RYR2: variants seen among roughly 807,000 people sequenced by gnomAD.
The protein encoded by RYR2 is ryanodine receptor 2, also known as cardiac muscle ryanodine receptor-calcium release channel.
RYR2 carries 227 observed loss-of-function variants against 601.1 expected under a neutral mutation model. That is an observed-to-expected ratio of 0.38 (90% CI 0.34 to 0.42). The LOEUF (loss-of-function observed/expected upper bound fraction) is 0.42. Among genes scored for constraint, RYR2 ranks in the 10% least tolerant of loss-of-function variants. RYR2 has a pLI of 1.00. For missense variants in RYR2, 4,646 were observed against 6,156.5 expected (o/e 0.75, Z 8.21); for synonymous variants, 2,223 against 2,175.1 (o/e 1.02, Z -0.61).
intron 87 of RYR2, among the ~76,000 whole-genome samples, 182 bp downstream of exon 87, chr1:237,773,830 G>A (rs183755654): frequency 6.6e-6 from 1 of 152,262 alleles, no homozygotes; most frequent in Admixed American, 6.5e-5. Context: ...CCATTTGGCA[G>A]GTTGAGATAT....
At chr1:237,776,514 C>G (rs993849197) in intron 87 of RYR2, among the ~76,000 whole-genome samples, 1 of 152,156 alleles carries the variant, frequency 6.6e-6, no homozygotes, top group African/African-American at 2.4e-5. Context: ...CTTCCGCTTA[C>G]CCTTGGGCCT....
At chr1:237,347,774 ACCCAAACCTCC>A (rs1342253625) in intron 3 of RYR2, among the ~76,000 whole-genome samples, 1 of 142,996 alleles carries the variant, frequency 7.0e-6, no homozygotes, top group African/African-American at 3.0e-5. Flanking sequence ...CAAGCAAAAC[ACCCAAACCTCC>A]CCCAAACCAG....
chr1:237,474,339 C>T (rs900578457), intron 17 of RYR2, among the ~76,000 whole-genome samples: 7 of 151,126 alleles, frequency 4.6e-5, no homozygotes, highest in African/African-American at 1.7e-4. Flanking sequence ...ATACCCCTAC[C>T]TGTTGGGCAA....
chr1:237,190,622 A>G (rs996361090), intron 1 of RYR2, among the ~76,000 whole-genome samples: 1 of 152,242 alleles, frequency 6.6e-6, no homozygotes, highest in Non-Finnish European at 1.5e-5. Flanking sequence ...AAATACAAAT[A>G]AAAAATACTG....
chr1:237,781,651 T>TTTTGA lies in RYR2; in HGVS notation c.11962+9_11962+13dup, dbSNP rs764190942. Reference sequence around the variant, plus strand: ...TGTTGCTGTCCATGTTAGAAGGTAGTTTTGATTTATACTTTTAAATTCTCT... The same window carrying TTTTGA: ...TGTTGCTGTCCATGTTAGAAGGTAGTTTTGATTTGATTTATACTTTTAAATTCTCT... On this transcript the variant is annotated splice_donor_region_variant and intron_variant, in intron 89 of 104. Coordinates refer to ENST00000366574, the MANE Select transcript of RYR2 (RefSeq NM_001035.3). The TTTTGA allele has an allele frequency of 6.7e-7, 1 of 1,495,826 alleles. No individual in the cohort carries two copies. Among genetic ancestry groups the TTTTGA allele is most frequent in the South Asian group, 1.2e-5 (1 of 83,348 alleles). The allele number at this position is 1,495,826 out of a possible 1,614,324, so 92.7% of individuals were successfully genotyped here. A position where few individuals can be genotyped will look rare whatever the true frequency, so the allele number is the denominator to read the frequency against.
intron 33 of RYR2, among the ~76,000 whole-genome samples, chr1:237,594,486 A>C (rs1675579950): frequency 6.6e-6 from 1 of 152,186 alleles, no homozygotes. Flanking sequence ...TGGAACAAAA[A>C]AACCACATGT....
chr1:237,266,502 G>A (rs575114524), intron 1 of RYR2, among the ~76,000 whole-genome samples: 1 of 152,326 alleles, frequency 6.6e-6, no homozygotes, highest in East Asian at 1.9e-4. Flanking sequence ...TACTCTGCAT[G>A]CTGTCAGACC....
intron 16 of RYR2, among the ~76,000 whole-genome samples, chr1:237,466,829 A>G (rs566199462): frequency 2.0e-5 from 3 of 151,722 alleles, no homozygotes; most frequent in Non-Finnish European, 4.4e-5. Context: ...GATATTTTAT[A>G]TTATGATATT....
chr1:237,778,706 G>A lies in RYR2; in HGVS notation c.11816G>A (p.Arg3939Lys). The A allele has an allele frequency of 1.9e-6, 3 of 1,611,324 alleles. No homozygotes were observed. Among genetic ancestry groups the A allele is most frequent in the Non-Finnish European group, 2.5e-6 (3 of 1,177,674 alleles). The change falls in exon 88 of 105, where the codon AGG (arginine) becomes AAG (lysine). Residue 3939 changes from arginine to lysine, a missense_variant. Physicochemically the swap from Arg to Lys is conservative, Grantham distance 26. Around this residue, in one of 17 missense-constraint regions of RYR2, gnomAD observed 90 missense variants for 213.3 expected, o/e 0.42. Transcript: ENST00000366574. Reference protein sequence around the residue: ...TGNQQSLAHSRLWDAVVGFLH... With the variant: ...TGNQQSLAHSKLWDAVVGFLH... ...AATCAACAGAGTTTGGCACACAGCA[G>A]GCTGTGGGATGCTGTGGTCGGCTTT...
intron 25 of RYR2, among the ~76,000 whole-genome samples, chr1:237,540,661 C>T (rs550621028): frequency 2.7e-5 from 4 of 150,868 alleles, no homozygotes; most frequent in East Asian, 1.9e-4. Flanking sequence ...GAGCTGAGAT[C>T]GCATCATTGT....
chr1:237,684,347 C>T (rs1046251142), intron 62 of RYR2, among the ~76,000 whole-genome samples: 11 of 152,072 alleles, frequency 7.2e-5, no homozygotes, highest in African/African-American at 2.7e-4. Flanking sequence ...TTTAGAACTA[C>T]AGCCAAGTAG....
At chr1:237,503,010 T>C (rs1664831355) in intron 21 of RYR2, among the ~76,000 whole-genome samples, 1 of 152,184 alleles carries the variant, frequency 6.6e-6, no homozygotes, top group Non-Finnish European at 1.5e-5. Context: ...ATGTGGTGCA[T>C]GTGCTTTTGG....
At position 237,832,855 on chromosome 1, in the gene RYR2, A is replaced by AAAT. The variant is rs1663961299; in HGVS notation, c.*209_*211dup. 1.7e-4 allele frequency: 74 copies of AAAT among 446,924 alleles called. No individual in the cohort carries two copies. The South Asian group carries it at 2.8e-3, about 17-fold the overall frequency. 27.7% of individuals were successfully genotyped at this position (446,924 alleles called of 1,614,324 possible). A position where few individuals can be genotyped will look rare whatever the true frequency, so the allele number is the denominator to read the frequency against. ...GAGACTAAAGACTGAAGAATAATCT[A>AAAT]AATTCATACTCAGACAAAAAAAGGA... is the stretch of plus-strand genomic sequence containing the variant. On this transcript the variant is annotated 3_prime_UTR_variant, in exon 105 of 105. Coordinates refer to ENST00000366574, the MANE Select transcript of RYR2 (RefSeq NM_001035.3).
At chr1:237,387,904 C>T (rs548647986) in intron 9 of RYR2, among the ~76,000 whole-genome samples, 183 bp from the exon 10 acceptor site, 2 of 151,330 alleles carry the variant, frequency 1.3e-5, no homozygotes, top group Non-Finnish European at 2.9e-5. Context: ...AACTGTGGGA[C>T]TCGGGCACCC....
intron 2 of RYR2, among the ~76,000 whole-genome samples, chr1:237,322,797 C>G (rs1302688613): frequency 6.7e-6 from 1 of 149,852 alleles, no homozygotes; most frequent in Non-Finnish European, 1.5e-5. Context: ...AGGATATTTC[C>G]TACATACGTA....
At chr1:237,537,332 GT>G (rs1275965566) in intron 25 of RYR2, among the ~76,000 whole-genome samples, 2 of 151,814 alleles carry the variant, frequency 1.3e-5, no homozygotes, top group Non-Finnish European at 2.9e-5. Flanking sequence ...TGTTTGTTTT[GT>G]TTTGTTTTTA....
intron 1 of RYR2, among the ~76,000 whole-genome samples, chr1:237,234,959 TTGTTAA>T (rs1001359270): frequency 1.3e-5 from 2 of 152,144 alleles, no homozygotes; most frequent in African/African-American, 4.8e-5. Context: ...GTGCCCTCTA[TTGTTAA>T]TGATAGAAGT....
chr1:237,307,901 C>T (rs529023983), intron 2 of RYR2, among the ~76,000 whole-genome samples: 7 of 141,154 alleles, frequency 5.0e-5, no homozygotes, highest in African/African-American at 1.6e-4. Context: ...CAGAGGCATT[C>T]GAGCCAGAGC....
intron 80 of RYR2, among the ~76,000 whole-genome samples, chr1:237,746,905 G>A (rs745932335): frequency 6.6e-6 from 1 of 151,738 alleles, no homozygotes. Flanking sequence ...ATTTTTCTGA[G>A]CATTATGGGT....
Sources: allele counts gnomAD v4.1 joint callset (sites outside exome capture counted in the v4.1 genomes callset), GRCh38; gene constraint gnomAD v4.1.1; regional missense constraint gnomAD v4.1.1; transcripts MANE v1.5; gene names NCBI Gene and HGNC (gene_info 2026-07-23, HGNC 2026-07-21).